The following SLC24A2 variants were observed in gnomAD, a reference collection of about 807,000 sequenced individuals.
The protein encoded by SLC24A2 is solute carrier family 24 member 2.
SLC24A2 carries 36 observed loss-of-function variants against 62.0 expected under a neutral mutation model. That is an observed-to-expected ratio of 0.58 (90% confidence interval 0.44 to 0.77). SLC24A2 has a LOEUF of 0.77. SLC24A2 is among the 30% of genes least tolerant of loss of function. The probability of loss-of-function intolerance (pLI) is 0.00; values close to 1 mark genes in which losing one functional copy is unlikely to be tolerated. For synonymous variants in SLC24A2, 358 were observed against 294.0 expected (o/e 1.22, Z -2.23); for missense variants, 846 against 817.9 (o/e 1.03, Z -0.42).
chr9:20,188,865 G>T, the SLC24A2 span, among the ~76,000 whole-genome samples: 1 of 152,168 alleles, frequency 6.6e-6, no homozygotes, highest in East Asian at 1.9e-4. Context: ...CTCCAGAAAT[G>T]TAACAGGAAA....
chr9:19,865,966 G>A, the SLC24A2 span, among the ~76,000 whole-genome samples: 2 of 152,258 alleles, frequency 1.3e-5, no homozygotes, highest in East Asian at 1.9e-4. Flanking sequence ...AGGGAATAAC[G>A]AGAATATGTC....
intron 7 of SLC24A2, among the ~76,000 whole-genome samples, chr9:19,556,090 C>T (rs180944185): frequency 1.1e-4 from 17 of 152,284 alleles, no homozygotes; most frequent in Admixed American, 4.6e-4. Flanking sequence ...GCACAGAAGA[C>T]GAGTTTCACG....
At chr9:20,001,877 C>G in the SLC24A2 span, among the ~76,000 whole-genome samples, 1 of 152,150 alleles carries the variant, frequency 6.6e-6, no homozygotes, top group Non-Finnish European at 1.5e-5. Flanking sequence ...TTTATTGAAA[C>G]ATCAGTTCTG....
chr9:19,774,712 T>C (rs145756812), intron 2 of SLC24A2, among the ~76,000 whole-genome samples: 3 of 152,262 alleles, frequency 2.0e-5, no homozygotes, highest in Non-Finnish European at 4.4e-5. Flanking sequence ...GAAAGTTACT[T>C]ACAGAGAAGC....
the SLC24A2 span, among the ~76,000 whole-genome samples, chr9:19,973,285 T>C: frequency 1.3e-5 from 2 of 152,238 alleles, no homozygotes; most frequent in Non-Finnish European, 2.9e-5. Context: ...GCAGCATGAC[T>C]TGGAAATCAC....
chr9:19,840,297 C>G, the SLC24A2 span, among the ~76,000 whole-genome samples: 2 of 152,156 alleles, frequency 1.3e-5, no homozygotes, highest in African/African-American at 2.4e-5. Context: ...AACTGCGACT[C>G]TTTCTAGAAT....
the SLC24A2 span, among the ~76,000 whole-genome samples, chr9:20,048,253 G>A: frequency 6.6e-6 from 1 of 152,176 alleles, no homozygotes; most frequent in Non-Finnish European, 1.5e-5. Context: ...TTAGTAAATA[G>A]TTGTTGACAT....
At chr9:19,553,570 T>A (rs1268073348) in intron 7 of SLC24A2, among the ~76,000 whole-genome samples, 1 of 152,152 alleles carries the variant, frequency 6.6e-6, no homozygotes, top group Admixed American at 6.5e-5. Flanking sequence ...AGTTCCCACA[T>A]GGTGGGTGGT....
At chr9:19,810,177 G>C in the SLC24A2 span, among the ~76,000 whole-genome samples, 1 of 152,126 alleles carries the variant, frequency 6.6e-6, no homozygotes, top group South Asian at 2.1e-4. Context: ...GGATTAGTGA[G>C]GGTAGCTGGG....
chr9:19,816,254 C>T, the SLC24A2 span, among the ~76,000 whole-genome samples: 1 of 151,974 alleles, frequency 6.6e-6, no homozygotes, highest in Non-Finnish European at 1.5e-5. Context: ...TGTTTTGTTA[C>T]TCCACTATCC....
At chr9:20,305,795 A>G in the SLC24A2 span, among the ~76,000 whole-genome samples, 1 of 152,216 alleles carries the variant, frequency 6.6e-6, no homozygotes, top group Non-Finnish European at 1.5e-5. Context: ...GGTTGCCTTA[A>G]CAAAGTACCA....
intron 2 of SLC24A2, among the ~76,000 whole-genome samples, chr9:19,770,459 C>T (rs910494894): frequency 1.3e-5 from 2 of 152,214 alleles, no homozygotes; most frequent in East Asian, 1.9e-4. Context: ...GAACTTTACA[C>T]TAAAAATGTG....
chr9:19,839,327 G>A, the SLC24A2 span, among the ~76,000 whole-genome samples: 9 of 152,190 alleles, frequency 5.9e-5, no homozygotes, highest in African/African-American at 2.2e-4. Context: ...GTGGAAGTCA[G>A]TGTGTCCATT....
the SLC24A2 span, among the ~76,000 whole-genome samples, chr9:20,293,255 G>T: frequency 2.0e-5 from 3 of 152,096 alleles, no homozygotes; most frequent in African/African-American, 7.2e-5. Flanking sequence ...CTTTTTAAGG[G>T]GACACAACTC....
intron 2 of SLC24A2, among the ~76,000 whole-genome samples, chr9:19,660,249 T>C (rs938642330): frequency 1.3e-5 from 2 of 152,136 alleles, no homozygotes; most frequent in African/African-American, 4.8e-5. Context: ...GATGACACTA[T>C]TTTTAGAAGT....
chr9:19,573,275 A>T, intron 7 of SLC24A2, 76 bp downstream of exon 7: 1 of 983,688 alleles, frequency 1.0e-6, no homozygotes, highest in Non-Finnish European at 1.6e-6. Context: ...TCCAAGGAGA[A>T]TATAGGGTCT....
Position 19,624,400 on chromosome 9 carries a change from T to A in SLC24A2, c.931-2101A>T, listed in dbSNP as rs527385425. Among the ~76,000 whole-genome samples the A allele has an allele frequency of 1.3e-4, 20 of 152,142 alleles. No individual in the cohort carries two copies. The Middle Eastern group carries it at 0.014, about 103-fold the overall frequency. On this transcript the variant is annotated intron_variant, in intron 2 of 10. Coordinates refer to ENST00000341998, the MANE Select transcript of SLC24A2 (RefSeq NM_020344.4). ...CGTCACCAGCTGAGAGTTTGAATTT[T>A]AAAAAATATATCTAAATACATGATT...
intron 8 of SLC24A2, among the ~76,000 whole-genome samples, chr9:19,541,947 C>G (rs1396097379): frequency 6.6e-6 from 1 of 152,204 alleles, no homozygotes; most frequent in Admixed American, 6.5e-5. Context: ...GCGCAATATT[C>G]GGGTGGGAGT....
chr9:19,960,586 T>G, the SLC24A2 span, among the ~76,000 whole-genome samples: 1 of 152,196 alleles, frequency 6.6e-6, no homozygotes, highest in Non-Finnish European at 1.5e-5. Context: ...TAATAATACA[T>G]ACCTCAAAGG....
Sources: allele counts gnomAD v4.1 joint callset (sites outside exome capture counted in the v4.1 genomes callset), GRCh38; gene constraint gnomAD v4.1.1; transcripts MANE v1.5; gene names NCBI Gene and HGNC (gene_info 2026-07-23, HGNC 2026-07-21).